GRIK4: variants seen among roughly 807,000 people sequenced by gnomAD.
The protein encoded by GRIK4 is glutamate ionotropic receptor kainate type subunit 4, also known as glutamate receptor ionotropic, kainate 4.
Under a neutral mutation model 104.9 loss-of-function variants are expected in GRIK4, and 40 were observed. The ratio of observed to expected loss-of-function variants is 0.38; its 90% CI spans 0.30 to 0.50. The LOEUF is 0.50. GRIK4 is among the 20% of genes least tolerant of loss of function. The pLI is 0.93. For synonymous variants in GRIK4, 485 were observed against 524.9 expected, an observed-to-expected ratio of 0.92 and a Z score of 1.04; for missense variants, 1,047 against 1,308.1, an observed-to-expected ratio of 0.80 and a Z score of 3.08.
intron 14 of GRIK4, among the ~76,000 whole-genome samples, chr11:120,946,278 A>G (rs892528198): frequency 7.2e-4 from 109 of 152,240 alleles, no homozygotes; most frequent in African/African-American, 2.4e-3. Flanking sequence ...CCCGACTATT[A>G]TAGCAAGGCA....
chr11:120,725,549 G>A (rs1400608805), intron 3 of GRIK4, among the ~76,000 whole-genome samples: 7 of 152,150 alleles, frequency 4.6e-5, no homozygotes, highest in Non-Finnish European at 1.0e-4. Context: ...AAGAAAACAG[G>A]AACTAGGGAG....
intron 1 of GRIK4, among the ~76,000 whole-genome samples, chr11:120,582,756 C>A (rs549683410): frequency 6.6e-6 from 1 of 152,086 alleles, no homozygotes; most frequent in Non-Finnish European, 1.5e-5. Flanking sequence ...TCCAGTCTAC[C>A]GTTGATGGGC....
intron 3 of GRIK4, among the ~76,000 whole-genome samples, chr11:120,666,056 C>T (rs1201558289): frequency 6.6e-6 from 1 of 152,188 alleles, no homozygotes; most frequent in African/African-American, 2.4e-5. Context: ...TAAGAAATCC[C>T]GGGGTCCCAA....
chr11:120,538,688 G>T (rs749792584), intron 1 of GRIK4, among the ~76,000 whole-genome samples: 11 of 152,208 alleles, frequency 7.2e-5, no homozygotes, highest in Non-Finnish European at 1.5e-4. Context: ...CTTGAAACTG[G>T]CAGCCCTCCT....
intron 3 of GRIK4, among the ~76,000 whole-genome samples, chr11:120,683,947 A>G (rs529593276): frequency 6.6e-5 from 10 of 152,378 alleles, no homozygotes; most frequent in Middle Eastern, 3.4e-3. Context: ...GATTCTGAAC[A>G]CAGACTTGCA....
intron 14 of GRIK4, among the ~76,000 whole-genome samples, chr11:120,941,563 G>T (rs1428199494): frequency 6.6e-6 from 1 of 152,140 alleles, no homozygotes; most frequent in African/African-American, 2.4e-5. Context: ...TGGAAGTAGG[G>T]TCTTTGCAGA....
intron 3 of GRIK4, among the ~76,000 whole-genome samples, chr11:120,683,278 T>C (rs961443328): frequency 6.6e-6 from 1 of 152,152 alleles, no homozygotes; most frequent in Admixed American, 6.5e-5. Context: ...TTTTTGAAGT[T>C]GAACTGACTA....
At chr11:120,563,627 C>T (rs1489875734) in intron 1 of GRIK4, among the ~76,000 whole-genome samples, 1 of 152,140 alleles carries the variant, frequency 6.6e-6, no homozygotes, top group Non-Finnish European at 1.5e-5. Context: ...GTGCTTTGCT[C>T]ACGGTCCAGC....
At chr11:120,737,782 T>TGA (rs1477941357) in intron 3 of GRIK4, among the ~76,000 whole-genome samples, 1 of 152,056 alleles carries the variant, frequency 6.6e-6, no homozygotes, top group African/African-American at 2.4e-5. Flanking sequence ...ACGGTTGGGA[T>TGA]GAGGACATGG....
chr11:120,838,308 C>T (rs1953627667), intron 8 of GRIK4, among the ~76,000 whole-genome samples: 1 of 152,092 alleles, frequency 6.6e-6, no homozygotes, highest in Non-Finnish European at 1.5e-5. Context: ...GGACATAAAA[C>T]CTTACAAGTT....
intron 16 of GRIK4, among the ~76,000 whole-genome samples, chr11:120,959,665 A>G (rs1944245867): frequency 1.3e-5 from 2 of 152,266 alleles, no homozygotes; most frequent in African/African-American, 4.8e-5. Flanking sequence ...TAATGGACTT[A>G]GCATATATGC....
chr11:120,985,302 A>G (rs558242790), intron 20 of GRIK4, among the ~76,000 whole-genome samples: 86 of 152,184 alleles, frequency 5.7e-4, no homozygotes, highest in Non-Finnish European at 8.8e-4. Flanking sequence ...GTTTGAATTC[A>G]AGTCTGCCCC....
Position 120,987,455 on chromosome 11 carries a change from G to T in GRIK4, c.*1195G>T, listed in dbSNP as rs890775579. 6.6e-6 allele frequency: 1 copy of T among 152,318 alleles called. No homozygotes were observed. Among genetic ancestry groups the T allele is most frequent in the East Asian group, 1.9e-4 (1 of 5,182 alleles). 9.4% of individuals were successfully genotyped at this position (152,318 alleles called of 1,614,324 possible). On this transcript the variant is annotated 3_prime_UTR_variant, in exon 21 of 21. Coordinates refer to ENST00000527524, the MANE Select transcript of GRIK4 (RefSeq NM_014619.5). ...GACCTGGGTGCAAGTGTATGTGTGT[G>T]TATGTGTGCGCGCGTGTGCGTGTGT...
intron 1 of GRIK4, among the ~76,000 whole-genome samples, chr11:120,592,145 T>C (rs1318978272): frequency 2.0e-5 from 3 of 152,190 alleles, no homozygotes; most frequent in African/African-American, 7.2e-5. Flanking sequence ...AGAGATCTTT[T>C]GGTTTATTTA....
chr11:120,723,643 G>A (rs1950972102), intron 3 of GRIK4, among the ~76,000 whole-genome samples: 1 of 152,152 alleles, frequency 6.6e-6, no homozygotes, highest in Non-Finnish European at 1.5e-5. Flanking sequence ...CCCACATGAA[G>A]TCCCATGTAA....
intron 11 of GRIK4, among the ~76,000 whole-genome samples, chr11:120,877,919 C>T (rs1322493631): frequency 2.0e-5 from 3 of 152,148 alleles, no homozygotes; most frequent in Non-Finnish European, 4.4e-5. Flanking sequence ...CCTGCAGTGG[C>T]AGAGCTGGCT....
intron 4 of GRIK4, among the ~76,000 whole-genome samples, chr11:120,810,843 A>T (rs1952814653): frequency 1.3e-5 from 2 of 152,232 alleles, no homozygotes; most frequent in Non-Finnish European, 1.5e-5. Context: ...TTAGCACTGT[A>T]GTGTCATATG....
intron 3 of GRIK4, among the ~76,000 whole-genome samples, chr11:120,699,143 C>T (rs1384953814): frequency 6.6e-6 from 1 of 152,180 alleles, no homozygotes; most frequent in Non-Finnish European, 1.5e-5. Context: ...TTCATCACAG[C>T]TGCGTGTGAG....
chr11:120,831,572 A>G (rs1953428438), intron 6 of GRIK4, among the ~76,000 whole-genome samples: 1 of 151,980 alleles, frequency 6.6e-6, no homozygotes, highest in Non-Finnish European at 1.5e-5. Context: ...CTCTTATTCC[A>G]CCCAAGGGAG....
Sources: gnomAD v4.1 joint callset for allele counts (sites outside exome capture counted in the v4.1 genomes callset) on GRCh38, gnomAD v4.1.1 for gene constraint, MANE v1.5 for transcripts, NCBI Gene and HGNC (gene_info 2026-07-23, HGNC 2026-07-21) for gene names.